The following EMB variants were observed in gnomAD, a reference collection of about 807,000 sequenced individuals.
EMB encodes embigin homolog.
In EMB, 31 loss-of-function variants were observed where a neutral mutation model predicts 41.4. The observed-to-expected ratio is 0.75, with a 90% CI of 0.56 to 1.01. The LOEUF (loss-of-function observed/expected upper bound fraction) is 1.01, where lower values mean the gene tolerates loss of function less well. EMB is among the 50% of genes least tolerant of loss of function. The pLI, the probability that EMB is intolerant of heterozygous loss-of-function variation, is 0.00. For synonymous variants in EMB, 137 were observed against 140.4 expected (o/e 0.98, Z 0.17); for missense variants, 379 against 388.3 (o/e 0.98, Z 0.20).
At chr5:50,406,413 A>AT (rs1561131727) in intron 4 of EMB, among the ~76,000 whole-genome samples, 147 of 150,568 alleles carry the variant, frequency 9.8e-4, no homozygotes, top group African/African-American at 3.4e-3. Flanking sequence ...GGTTTTGTAA[A>AT]ATATATATAT....
chr5:50,402,982 G>A (rs1745189690), intron 6 of EMB, among the ~76,000 whole-genome samples, 196 bp downstream of exon 6: 1 of 150,786 alleles, frequency 6.6e-6, no homozygotes, highest in African/African-American at 2.4e-5. Context: ...AAGACCATGG[G>A]TATATGTTTC....
chr5:50,402,592 A>G (rs913716522), intron 6 of EMB, among the ~76,000 whole-genome samples: 10 of 152,058 alleles, frequency 6.6e-5, no homozygotes, highest in Non-Finnish European at 1.5e-4. Context: ...AAAATTTAGT[A>G]TAAAATCAGG....
At chr5:50,401,054 T>C (rs1045091247) in intron 7 of EMB, among the ~76,000 whole-genome samples, 4 of 151,908 alleles carry the variant, frequency 2.6e-5, no homozygotes, top group Admixed American at 1.3e-4. Flanking sequence ...CGCCAATACG[T>C]GGAAATAGGA....
chr5:50,426,866 A>G (rs528620771), intron 2 of EMB, among the ~76,000 whole-genome samples: 12 of 151,316 alleles, frequency 7.9e-5, no homozygotes, highest in Non-Finnish European at 1.5e-4. Flanking sequence ...GTCATTTTCA[A>G]CTAAATTAGA....
intron 4 of EMB, 23 bp from the exon 5 acceptor site, chr5:50,405,875 T>C: frequency 6.4e-7 from 1 of 1,566,802 alleles, no homozygotes. Context: ...TAGAGAAATG[T>C]ATGTTACTGA....
At chr5:50,405,379 TG>T (rs1745230908) in intron 5 of EMB, among the ~76,000 whole-genome samples, 1 of 151,906 alleles carries the variant, frequency 6.6e-6, no homozygotes, top group Non-Finnish European at 1.5e-5. Context: ...TTTCATGGAA[TG>T]ATTTTTAAAA....
At chr5:50,401,751 T>C (rs1745165894) in intron 7 of EMB, among the ~76,000 whole-genome samples, 1 of 151,998 alleles carries the variant, frequency 6.6e-6, no homozygotes, top group African/African-American at 2.4e-5. Context: ...CCAGTGATTT[T>C]CAACAGACAG....
chr5:50,408,581 T>C lies in EMB; in HGVS notation c.472+2296A>G, dbSNP rs549416783. ...GAATTGTTCTGAAGACTCAGGCTCATGCACTATAGGTGGCTCATGTAGTCA... is the reference window on the plus strand; with the variant it reads ...GAATTGTTCTGAAGACTCAGGCTCACGCACTATAGGTGGCTCATGTAGTCA... On this transcript the variant is annotated intron_variant, in intron 4 of 8. Transcript: ENST00000303221. 1.4e-3 allele frequency among the ~76,000 whole-genome samples: 218 copies of C among 152,234 alleles called. 1 individual carries two copies. The highest frequency in any genetic ancestry group is 3.1e-3 in the Admixed American group (47 of 15,266).
chr5:50,420,911 A>C (rs1745510066), intron 2 of EMB, among the ~76,000 whole-genome samples: 1 of 152,192 alleles, frequency 6.6e-6, no homozygotes. Context: ...AATGCATAAG[A>C]AGTTCTTGTC....
intron 2 of EMB, among the ~76,000 whole-genome samples, chr5:50,425,691 A>G (rs1253918119): frequency 6.7e-6 from 1 of 148,698 alleles, no homozygotes; most frequent in African/African-American, 2.6e-5. Context: ...ATGATTAAGC[A>G]AGTGCAATTT....
chr5:50,432,234 A>G (rs1337561119), intron 1 of EMB, among the ~76,000 whole-genome samples: 1 of 152,160 alleles, frequency 6.6e-6, no homozygotes, highest in Non-Finnish European at 1.5e-5. Flanking sequence ...CCTTTATTAT[A>G]TGTTAAAATC....
In EMB at chr5:50,396,628, A is replaced by G. The variant is rs1424146007; in HGVS notation, c.*2645T>C. The G allele has an allele frequency of 6.6e-6, 1 of 152,132 alleles. No homozygotes were observed. Among genetic ancestry groups the G allele is most frequent in the African/African-American group, 2.4e-5 (1 of 41,442 alleles). The allele number at this position is 152,132 out of a possible 1,614,324, so 9.4% of individuals were successfully genotyped here. On this transcript the variant is annotated 3_prime_UTR_variant, in exon 9 of 9. Transcript: ENST00000303221. ...TGCCAAGTCTAGTTCAAGAGACTGG[A>G]TAGAGATTAGCAATTTGGAGAATGC...
At chr5:50,440,379 T>C (rs1159446875) in intron 1 of EMB, among the ~76,000 whole-genome samples, 1 of 151,352 alleles carries the variant, frequency 6.6e-6, no homozygotes, top group Non-Finnish European at 1.5e-5. Flanking sequence ...ACTAAAAATA[T>C]AAAATTAGCC....
chr5:50,427,870 T>C (rs1745645890), intron 2 of EMB, among the ~76,000 whole-genome samples: 1 of 152,164 alleles, frequency 6.6e-6, no homozygotes. Context: ...CATAAGAGTA[T>C]CTGCAAATCA....
chr5:50,416,076 A>T (rs1384505985), intron 2 of EMB, among the ~76,000 whole-genome samples: 1 of 152,180 alleles, frequency 6.6e-6, no homozygotes, highest in Non-Finnish European at 1.5e-5. Context: ...GTGCTTCTGC[A>T]GTTTGCTTTC....
chr5:50,404,283 G>A (rs897070260), intron 5 of EMB, among the ~76,000 whole-genome samples: 3 of 151,844 alleles, frequency 2.0e-5, no homozygotes, highest in African/African-American at 7.3e-5. Context: ...TATTATTCGT[G>A]CAAAAAAAAT....
intron 8 of EMB, 55 bp downstream of exon 8, chr5:50,399,804 C>T: frequency 1.5e-6 from 2 of 1,366,016 alleles, no homozygotes; most frequent in Non-Finnish European, 2.1e-6. Context: ...TGATAGATAG[C>T]CTATGTATAT....
At chr5:50,432,284 A>G (rs1010005331) in intron 1 of EMB, among the ~76,000 whole-genome samples, 1 of 152,190 alleles carries the variant, frequency 6.6e-6, no homozygotes, top group African/African-American at 2.4e-5. Flanking sequence ...AAATGTAAGA[A>G]GCAACTATTA....
At chr5:50,407,987 A>C (rs1745275362) in intron 4 of EMB, among the ~76,000 whole-genome samples, 1 of 152,044 alleles carries the variant, frequency 6.6e-6, no homozygotes, top group South Asian at 2.1e-4. Context: ...TTTAGGTACC[A>C]CTAAATTAGG....
Sources: allele counts gnomAD v4.1 joint callset (sites outside exome capture counted in the v4.1 genomes callset), GRCh38; gene constraint gnomAD v4.1.1; transcripts MANE v1.5; gene names NCBI Gene and HGNC (gene_info 2026-07-23, HGNC 2026-07-21).